Variants in KANK1 observed in about 807,000 individuals in gnomAD.
KANK1 encodes KN motif and ankyrin repeat domain-containing protein 1.
Under a neutral mutation model 106.2 loss-of-function variants are expected in KANK1, and 109 were observed. The observed-to-expected ratio is 1.03, with a 90% CI of 0.88 to 1.20. KANK1 has a LOEUF of 1.20. KANK1 is among the 50% of genes most tolerant of loss of function. The pLI, the probability that KANK1 is intolerant of heterozygous loss-of-function variation, is 0.00. For missense variants in KANK1, 2,399 were observed against 1,710.7 expected (o/e 1.40, Z -7.10); for synonymous variants, 873 against 652.2 (o/e 1.34, Z -5.16).
At chr9:735,476 T>G (rs1564116439) in intron 7 of KANK1, among the ~76,000 whole-genome samples, 1 of 152,180 alleles carries the variant, frequency 6.6e-6, no homozygotes, top group African/African-American at 2.4e-5. Context: ...GAATGACATA[T>G]TCTCATGTGT....
At chr9:629,363 A>G (rs1317646748) in intron 1 of KANK1, among the ~76,000 whole-genome samples, 1 of 152,172 alleles carries the variant, frequency 6.6e-6, no homozygotes, top group African/African-American at 2.4e-5. Context: ...CCCCAGCCAC[A>G]GTGGCAGCTG....
rs186011146 is a variant in KANK1, at chr9:540,261, A to C, written c.-84+35507A>C. Among the ~76,000 whole-genome samples the C allele has an allele frequency of 1.9e-4, 29 of 152,332 alleles. No individual in the cohort carries two copies. In the East Asian group the frequency reaches 3.1e-3, roughly 16 times the overall value. On this transcript the variant is annotated intron_variant, in intron 1 of 11. Transcript: ENST00000382297. The stretch of plus-strand genomic sequence containing the variant: ...CATGAAAGGATGTTGAATTCTTTCA[A>C]ATGATTTTTATACATCTATTGAGAT...
chr9:604,253 T>C (rs940231009), intron 1 of KANK1, among the ~76,000 whole-genome samples: 6 of 151,752 alleles, frequency 4.0e-5, no homozygotes, highest in African/African-American at 1.5e-4. Context: ...GAATGAGCAC[T>C]ATGTGTCAGA....
In KANK1 at chr9:742,340, G is replaced by T; in HGVS notation, c.3832G>T (p.Gly1278Ter). 5.6e-6 allele frequency: 9 copies of T among 1,614,094 alleles called. No individual in the cohort carries two copies. Among genetic ancestry groups the T allele is most frequent in the Non-Finnish European group, 6.8e-6 (8 of 1,180,006 alleles). ...GGCCCTCATGTGTGCCAGCGAGCAC[G>T]GACACGTGGAGATTGTCAAGCTGCT... Reference protein sequence around the residue: ...STALMCASEHGHVEIVKLLLA... With the variant: ...STALMCASEH Residue 1278 changes from glycine to a stop codon, truncating the protein, a stop_gained, in exon 10 of 12, where the codon GGA (glycine) becomes TGA (stop). Transcript: ENST00000382297. LOFTEE classifies it high-confidence loss of function.
intron 2 of KANK1, among the ~76,000 whole-genome samples, chr9:704,162 C>G (rs1401652579): frequency 6.6e-6 from 1 of 152,190 alleles, no homozygotes; most frequent in Non-Finnish European, 1.5e-5. Flanking sequence ...ACTGTAGTAC[C>G]TGTTAGAATT....
chr9:561,462 AAAC>A (rs754777007), intron 1 of KANK1, among the ~76,000 whole-genome samples: 19 of 152,212 alleles, frequency 1.2e-4, no homozygotes, highest in Non-Finnish European at 2.6e-4. Context: ...TTCTTAGTAT[AAAC>A]AACAACTCTA....
At chr9:620,422 G>A (rs1051848078) in intron 1 of KANK1, among the ~76,000 whole-genome samples, 1 of 151,566 alleles carries the variant, frequency 6.6e-6, no homozygotes, top group African/African-American at 2.4e-5. Context: ...TTTTTGGAAC[G>A]GAGTCTCGCA....
rs1564033832 is a variant in KANK1, at chr9:711,105, T to G, written c.339T>G (p.Val113=). Residue 113 remains valine, a synonymous_variant, in exon 3 of 12, where the codon GTT becomes GTG. Coordinates refer to ENST00000382297, the MANE Select transcript of KANK1 (RefSeq NM_015158.5). ...CPNFLIARSQ[V]TSTPISKPPP... The stretch of plus-strand genomic sequence containing the variant: ...ACTTCCTCATAGCCAGAAGTCAAGT[T>G]ACATCAACTCCAATCTCAAAGCCAC... 2 of 1,614,114 alleles carry G rather than the reference T, an allele frequency of 1.2e-6. No homozygotes were observed. The highest frequency in any genetic ancestry group is 3.3e-5 in the Admixed American group (2 of 60,016).
chr9:684,496 C>G, intron 2 of KANK1: 1 of 985,410 alleles, frequency 1.0e-6, no homozygotes, highest in Non-Finnish European at 1.2e-6. Context: ...ACTGGGTAGC[C>G]AGTCAAAGGG....
At chr9:599,335 T>G (rs1290597989) in intron 1 of KANK1, among the ~76,000 whole-genome samples, 2 of 151,738 alleles carry the variant, frequency 1.3e-5, no homozygotes, top group Admixed American at 6.5e-5. Flanking sequence ...TTATTTTTAT[T>G]TTTTAAAAAA....
intron 1 of KANK1, among the ~76,000 whole-genome samples, chr9:634,768 G>C (rs138366276): frequency 1.9e-4 from 29 of 152,296 alleles, no homozygotes; most frequent in Middle Eastern, 3.4e-3. Context: ...AGATGGAGTT[G>C]AACCATGCTA....
intron 1 of KANK1, among the ~76,000 whole-genome samples, chr9:550,600 C>G (rs2134072574): frequency 6.6e-6 from 1 of 152,320 alleles, no homozygotes; most frequent in Non-Finnish European, 1.5e-5. Context: ...GAGGGAGACC[C>G]TGTCTCTAAT....
chr9:497,777 C>T (rs949836520), intron 3 of KANK1, among the ~76,000 whole-genome samples: 7 of 151,818 alleles, frequency 4.6e-5, no homozygotes, highest in Non-Finnish European at 1.0e-4. Context: ...CAGTTGAGCC[C>T]GGGAGGTCAA....
intron 3 of KANK1, chr9:476,892 C>G (rs2132092407): frequency 6.6e-6 from 1 of 152,298 alleles, no homozygotes; most frequent in African/African-American, 2.4e-5. Flanking sequence ...TGAGAAAAAG[C>G]AAACAAGACA....
chr9:526,565 A>G (rs2059800953), intron 1 of KANK1, among the ~76,000 whole-genome samples: 1 of 151,732 alleles, frequency 6.6e-6, no homozygotes, highest in Non-Finnish European at 1.5e-5. Flanking sequence ...AATAAAAATT[A>G]CAAAAAATTA....
intron 1 of KANK1, among the ~76,000 whole-genome samples, chr9:560,798 A>G (rs1816217858): frequency 6.6e-6 from 1 of 152,190 alleles, no homozygotes; most frequent in African/African-American, 2.4e-5. Flanking sequence ...AAAGGCTGCA[A>G]AAAGTTGAAG....
chr9:702,622 C>G (rs188772606), intron 2 of KANK1, among the ~76,000 whole-genome samples: 4 of 152,122 alleles, frequency 2.6e-5, no homozygotes, highest in Admixed American at 6.5e-5. Context: ...GCACTTCCCA[C>G]TGGGTATTAT....
At chr9:724,196 G>T (rs759392475) in intron 3 of KANK1, among the ~76,000 whole-genome samples, 4 of 152,046 alleles carry the variant, frequency 2.6e-5, no homozygotes, top group Non-Finnish European at 4.4e-5. Flanking sequence ...AGCCTCAATG[G>T]TTTGCATTTT....
rs1046106707 is a variant in KANK1 at position 590,823 on chromosome 9, A to G, written c.-83-86067A>G. ...AACAAATCTCACTTTGGACATATGC[A>G]TTAATGTACATTCTTCTAACTGTAT... On this transcript the variant is annotated intron_variant, in intron 1 of 11. Transcript: ENST00000382297. Among the ~76,000 whole-genome samples, 10 of 151,896 alleles carry G rather than the reference A, an allele frequency of 6.6e-5. No individual in the cohort carries two copies. In the East Asian group the frequency reaches 1.9e-3, roughly 29 times the overall value.
Sources: gnomAD v4.1 joint callset for allele counts (sites outside exome capture counted in the v4.1 genomes callset) on GRCh38, gnomAD v4.1.1 for gene constraint, MANE v1.5 for transcripts, NCBI Gene and HGNC (gene_info 2026-07-23, HGNC 2026-07-21) for gene names.